Variants in KCNU1 observed in about 807,000 individuals in gnomAD.
The protein encoded by KCNU1 is potassium channel subfamily U member 1.
KCNU1 carries 93 observed loss-of-function variants against 126.8 expected under a neutral mutation model. The ratio of observed to expected loss-of-function variants is 0.73; its 90% confidence interval spans 0.62 to 0.87. KCNU1 has a LOEUF of 0.87. Ranked by LOEUF, KCNU1 falls within the 40% of genes least tolerant of loss-of-function variation. KCNU1 has a pLI of 0.00. For synonymous variants in KCNU1, 523 were observed against 494.2 expected (o/e 1.06, Z -0.77); for missense variants, 1,330 against 1,367.1 (o/e 0.97, Z 0.43).
At chr8:36,822,362 A>G (rs912847115) in intron 10 of KCNU1, among the ~76,000 whole-genome samples, 9 of 152,032 alleles carry the variant, frequency 5.9e-5, no homozygotes, top group Non-Finnish European at 1.0e-4. Context: ...GCCATCTTGG[A>G]TGTTCTAGAC....
intron 8 of KCNU1, 35 bp from the exon 9 acceptor site, chr8:36,815,561 G>T: frequency 1.8e-6 from 2 of 1,104,068 alleles, no homozygotes; most frequent in South Asian, 3.0e-5. Flanking sequence ...TCAAAATAAT[G>T]AGAACTAAGG....
chr8:36,841,031 GTTGTT>G, intron 16 of KCNU1, 28 bp downstream of exon 16: 2 of 618,914 alleles, frequency 3.2e-6, no homozygotes, highest in Non-Finnish European at 2.6e-6. Flanking sequence ...CATCTCTTCA[GTTGTT>G]TTTTTTTTTT....
At position 36,806,345 on chromosome 8, in the gene KCNU1, C is replaced by T. The variant is rs1446414876; in HGVS notation, c.545C>T (p.Thr182Ile). ...GTAGACATCTTTACCATCCCACCAA[C>T]CTTTATTTCTTATTATTTGAAGAGC... is the stretch of plus-strand genomic sequence containing the variant. The part of the protein sequence containing the change: ...SIVDIFTIPP[T>I]FISYYLKSNW... The change falls in exon 5 of 27, where the codon ACC becomes ATC. Residue 182 changes from threonine (T) to isoleucine (I), a missense_variant. Physicochemically the swap from Thr to Ile is moderately conservative, Grantham distance 89. Transcript: ENST00000399881. 6.2e-7 allele frequency: 1 copy of T among 1,608,768 alleles called. No individual in the cohort carries two copies. Among genetic ancestry groups the T allele is most frequent in the Non-Finnish European group, 8.5e-7 (1 of 1,177,072 alleles).
At chr8:36,813,811 T>TG (rs1161224348) in intron 7 of KCNU1, among the ~76,000 whole-genome samples, 1 of 152,184 alleles carries the variant, frequency 6.6e-6, no homozygotes, top group Non-Finnish European at 1.5e-5. Context: ...CTTTCCTTAA[T>TG]GATAATCCTA....
intron 19 of KCNU1, chr8:36,889,425 A>G: frequency 3.0e-6 from 1 of 334,564 alleles, no homozygotes; most frequent in Non-Finnish European, 6.0e-6. Context: ...TGAGCTTTTT[A>G]ATTGTTTTGA....
intron 9 of KCNU1, 70 bp downstream of exon 9, chr8:36,815,757 AT>A (rs1221545533): frequency 4.5e-6 from 4 of 887,422 alleles, no homozygotes; most frequent in Non-Finnish European, 7.1e-6. Flanking sequence ...CGTTCTAGAC[AT>A]CTATTGTCTG....
At chr8:36,847,706 T>A (rs1805201287) in intron 18 of KCNU1, among the ~76,000 whole-genome samples, 1 of 152,232 alleles carries the variant, frequency 6.6e-6, no homozygotes, top group South Asian at 2.1e-4. Context: ...ATTTTCTTCA[T>A]CTATTTATCT....
Position 36,805,196 on chromosome 8 carries a change from C to A in KCNU1, c.379C>A (p.Pro127Thr). ...AAACTGTCCTTCTTTCTTTTCCAGC[C>A]CTGTTGGAAGCTGTTCATCATATGA... ...LIIYFINSAD[P>T]VGSCSSYEDK... Residue 127 changes from proline to threonine, a missense_variant and splice_region_variant, in exon 4 of 27, where the codon CCT (proline) becomes ACT (threonine). By Grantham distance (38) the Pro-to-Thr change is conservative. Coordinates refer to ENST00000399881, the MANE Select transcript of KCNU1 (RefSeq NM_001031836.3). The A allele has an allele frequency of 6.2e-7, 1 of 1,605,720 alleles. No homozygotes were observed. The highest frequency in any genetic ancestry group is 8.5e-7 in the Non-Finnish European group (1 of 1,174,028).
intron 19 of KCNU1, among the ~76,000 whole-genome samples, chr8:36,888,313 A>G (rs770878131): frequency 2.6e-5 from 4 of 152,146 alleles, no homozygotes; most frequent in African/African-American, 7.2e-5. Flanking sequence ...AGTAACAGAA[A>G]TAGAAAATGC....
intron 10 of KCNU1, among the ~76,000 whole-genome samples, chr8:36,823,776 T>C (rs868757542): frequency 6.6e-6 from 1 of 151,674 alleles, no homozygotes; most frequent in Admixed American, 6.6e-5. Context: ...AGAAAAAATA[T>C]GCCAGAATGT....
intron 22 of KCNU1, among the ~76,000 whole-genome samples, chr8:36,915,979 GA>G (rs1808086165): frequency 6.6e-6 from 1 of 150,622 alleles, no homozygotes; most frequent in Non-Finnish European, 1.5e-5. Flanking sequence ...AGGGAAGAAG[GA>G]AAAAAGGAAG....
chr8:36,825,839 C>CTTAA (rs949565622), intron 10 of KCNU1, among the ~76,000 whole-genome samples: 43 of 151,862 alleles, frequency 2.8e-4, no homozygotes, highest in African/African-American at 7.7e-4. Context: ...AGTTTATTTA[C>CTTAA]TTAAGAACCA....
At chr8:36,924,819 CT>C (rs1363023226) in intron 24 of KCNU1, among the ~76,000 whole-genome samples, 1 of 152,124 alleles carries the variant, frequency 6.6e-6, no homozygotes, top group African/African-American at 2.4e-5. Flanking sequence ...TTCAGAGATC[CT>C]TAGATGTCAG....
intron 2 of KCNU1, among the ~76,000 whole-genome samples, chr8:36,799,131 T>C (rs1207063218): frequency 3.3e-5 from 5 of 152,204 alleles, no homozygotes; most frequent in Admixed American, 3.3e-4. Flanking sequence ...GCTTAATAAA[T>C]TTTTAAAATT....
At position 36,919,416 on chromosome 8, in the gene KCNU1, T is replaced by C. The variant is rs530951892; in HGVS notation, c.2596+519T>C. 1.2e-4 allele frequency among the ~76,000 whole-genome samples: 14 copies of C among 120,416 alleles called. No homozygotes were observed. In the East Asian group the frequency reaches 3.6e-3, roughly 31 times the overall value. The allele number at this position is 120,416 out of a possible 152,430, so 79.0% of individuals were successfully genotyped here. On this transcript the variant is annotated intron_variant, in intron 23 of 26. Transcript: ENST00000399881. ...TTAATCCAAGCCCTGAGTGATACTT[T>C]CCTAAAATAGGCAAAAAAAAAAAAA...
In KCNU1 at chr8:36,874,724, T is replaced by C. The variant is rs113751394; in HGVS notation, c.2009+10203T>C. 1.3e-3 allele frequency among the ~76,000 whole-genome samples: 201 copies of C among 152,312 alleles called. 1 individual carries two copies. The highest frequency in any genetic ancestry group is 4.6e-3 in the African/African-American group (193 of 41,576). On this transcript the variant is annotated intron_variant, in intron 19 of 26. Transcript: ENST00000399881. ...TAGCTTACCCAACACAATATATTATTGGCTTTCGTACAATTATTTATACCT... is the reference window on the plus strand; with the variant it reads ...TAGCTTACCCAACACAATATATTATCGGCTTTCGTACAATTATTTATACCT...
At chr8:36,882,242 C>G (rs911878716) in intron 19 of KCNU1, among the ~76,000 whole-genome samples, 1 of 152,202 alleles carries the variant, frequency 6.6e-6, no homozygotes, top group African/African-American at 2.4e-5. Context: ...ACCAATCACA[C>G]CTGAAACCAG....
At position 36,784,435 on chromosome 8, in the gene KCNU1, G is replaced by C. The variant is rs527402776; in HGVS notation, c.25G>C (p.Glu9Gln). The change falls in exon 1 of 27, where the codon GAA becomes CAA. Residue 9 changes from glutamate (E) to glutamine (Q), a missense_variant. Glu to Gln is a conservative substitution (Grantham distance 29). This residue lies in a region of KCNU1 where 247 missense variants were observed against 255.4 expected (regional missense o/e 0.97). Transcript: ENST00000399881. MFQTKLRN[E>Q]TWEDLPKMSC... ...CATGTTTCAGACTAAGCTACGAAAT[G>C]AAACTTGGGAAGACTTGCCAAAAAT... 1.2e-6 allele frequency: 2 copies of C among 1,613,072 alleles called. No homozygotes were observed. Among genetic ancestry groups the C allele is most frequent in the African/African-American group, 1.3e-5 (1 of 75,010 alleles).
At chr8:36,805,137 A>G (rs779594379) in intron 3 of KCNU1, 58 bp from the exon 4 acceptor site, 4 of 1,269,342 alleles carry the variant, frequency 3.2e-6, no homozygotes, top group Non-Finnish European at 4.5e-6. Flanking sequence ...AGTTGGTCTT[A>G]TATAGACACC....
Sources: gnomAD v4.1 joint callset for allele counts (sites outside exome capture counted in the v4.1 genomes callset) on GRCh38, gnomAD v4.1.1 for gene constraint, gnomAD v4.1.1 regional missense constraint, MANE v1.5 for transcripts, NCBI Gene and HGNC (gene_info 2026-07-23, HGNC 2026-07-21) for gene names.